Variants in UTRN observed in about 807,000 individuals in gnomAD.
The protein encoded by UTRN is utrophin.
A neutral mutation model predicts 463.9 loss-of-function variants in UTRN; 283 were observed. The ratio of observed to expected loss-of-function variants is 0.61; its 90% confidence interval spans 0.55 to 0.67. The LOEUF (loss-of-function observed/expected upper bound fraction) is 0.67, where lower values mean the gene tolerates loss of function less well. Among genes scored for constraint, UTRN ranks in the 30% least tolerant of loss-of-function variants. UTRN has a pLI of 0.00. For missense variants in UTRN, 3,922 were observed against 4,084.3 expected (o/e 0.96, Z 1.08); for synonymous variants, 1,442 against 1,431.5 (o/e 1.01, Z -0.17).
At chr6:144,424,989 C>A (rs1481110181) in intron 6 of UTRN, among the ~76,000 whole-genome samples, 1 of 152,028 alleles carries the variant, frequency 6.6e-6, no homozygotes, top group African/African-American at 2.4e-5. Flanking sequence ...TGAAATAATA[C>A]AATTATGTAA....
intron 2 of UTRN, among the ~76,000 whole-genome samples, chr6:144,296,773 C>A: frequency 6.6e-6 from 1 of 152,180 alleles, no homozygotes; most frequent in East Asian, 1.9e-4. Flanking sequence ...TCTTCTATCT[C>A]TTTTTTTGTA....
intron 7 of UTRN, 88 bp downstream of exon 7, chr6:144,426,547 C>A (rs1785311576): frequency 1.5e-6 from 2 of 1,330,136 alleles, no homozygotes; most frequent in South Asian, 1.6e-5. Flanking sequence ...CCTGAAGCCC[C>A]TTCTCCAGTG....
intron 23 of UTRN, among the ~76,000 whole-genome samples, chr6:144,468,797 T>C (rs1171024401): frequency 1.3e-5 from 2 of 152,220 alleles, no homozygotes; most frequent in Admixed American, 1.3e-4. Flanking sequence ...GACTTAAAGA[T>C]GAGCAGACTT....
intron 51 of UTRN, among the ~76,000 whole-genome samples, chr6:144,600,137 A>T (rs1804089858): frequency 6.6e-6 from 1 of 152,120 alleles, no homozygotes; most frequent in African/African-American, 2.4e-5. Context: ...TTCCCATCTC[A>T]CACTTTCCTT....
chr6:144,762,531 G>A (rs1042965078), intron 58 of UTRN, among the ~76,000 whole-genome samples: 1 of 152,178 alleles, frequency 6.6e-6, no homozygotes, highest in Admixed American at 6.5e-5. Flanking sequence ...CTTTTCCATA[G>A]GCTAATTTCT....
At chr6:144,344,665 C>T (rs1777419633) in intron 2 of UTRN, among the ~76,000 whole-genome samples, 1 of 152,192 alleles carries the variant, frequency 6.6e-6, no homozygotes, top group African/African-American at 2.4e-5. Context: ...GAAGAAGCCT[C>T]CTTTGTGGTG....
At chr6:144,643,349 T>C (rs550981929) in intron 51 of UTRN, among the ~76,000 whole-genome samples, 2 of 152,346 alleles carry the variant, frequency 1.3e-5, no homozygotes, top group East Asian at 1.9e-4. Flanking sequence ...AGACTGTAAG[T>C]ATCCAAAGTA....
chr6:144,730,723 T>C (rs575532381), intron 54 of UTRN, among the ~76,000 whole-genome samples: 1 of 151,878 alleles, frequency 6.6e-6, no homozygotes, highest in Non-Finnish European at 1.5e-5. Flanking sequence ...GCAGAAAAAA[T>C]AGATTGTCTA....
chr6:144,591,262 G>A (rs1010789537), intron 51 of UTRN, among the ~76,000 whole-genome samples: 63 of 152,240 alleles, frequency 4.1e-4, no homozygotes, highest in Non-Finnish European at 6.2e-4. Context: ...ACCCCACTGC[G>A]AAGATGCCAT....
At chr6:144,674,956 A>G (rs1350800150) in intron 51 of UTRN, among the ~76,000 whole-genome samples, 1 of 152,172 alleles carries the variant, frequency 6.6e-6, no homozygotes, top group East Asian at 1.9e-4. Context: ...GGCAATTCAG[A>G]TATTTCTTGT....
chr6:144,422,027 AC>A, intron 4 of UTRN, 57 bp downstream of exon 4: 1 of 1,451,292 alleles, frequency 6.9e-7, no homozygotes, highest in Non-Finnish European at 9.5e-7. Flanking sequence ...ATACTTGATG[AC>A]CCAGTGTGGG....
At chr6:144,426,567 T>C in intron 7 of UTRN, 108 bp downstream of exon 7, 1 of 1,132,876 alleles carries the variant, frequency 8.8e-7, no homozygotes, top group Non-Finnish European at 1.2e-6. Flanking sequence ...GCCACTGCTC[T>C]CCTTTCTGCA....
intron 48 of UTRN, among the ~76,000 whole-genome samples, chr6:144,553,542 G>A (rs1799112334): frequency 6.6e-6 from 1 of 152,218 alleles, no homozygotes; most frequent in African/African-American, 2.4e-5. Flanking sequence ...TTATCAGCAG[G>A]TTCTTGCGGA....
chr6:144,550,170 C>T (rs1798774584), intron 47 of UTRN, among the ~76,000 whole-genome samples: 1 of 152,018 alleles, frequency 6.6e-6, no homozygotes, highest in Non-Finnish European at 1.5e-5. Context: ...GTCCTTATGC[C>T]ATTTAGAAGG....
At chr6:144,567,810 A>G (rs765361030) in intron 50 of UTRN, among the ~76,000 whole-genome samples, 69 of 152,308 alleles carry the variant, frequency 4.5e-4, no homozygotes, top group Middle Eastern at 6.8e-3. Context: ...ACACACATTG[A>G]TGGGTTTCCT....
chr6:144,525,563 CCTCT>C (rs1244074435), intron 41 of UTRN, among the ~76,000 whole-genome samples: 1 of 151,948 alleles, frequency 6.6e-6, no homozygotes, highest in Non-Finnish European at 1.5e-5. Flanking sequence ...TGATTTGGAT[CCTCT>C]CTCTTTTCTT....
Position 144,851,030 on chromosome 6 carries a change from G to T in UTRN, c.*33G>T, listed in dbSNP as rs373076190. The T allele has an allele frequency of 1.2e-6, 2 of 1,613,424 alleles. No individual in the cohort carries two copies. The highest frequency in any genetic ancestry group is 1.7e-6 in the Non-Finnish European group (2 of 1,179,506). ...ATCCGGCCAACCAATGTTTCCTGACGTACAGTGTTGCCCTTTTCAGCAAAT... is the reference window on the plus strand; with the variant it reads ...ATCCGGCCAACCAATGTTTCCTGACTTACAGTGTTGCCCTTTTCAGCAAAT... On this transcript the variant is annotated 3_prime_UTR_variant, in exon 75 of 75. Coordinates refer to ENST00000367545, the MANE Select transcript of UTRN (RefSeq NM_007124.3).
chr6:144,326,763 A>C (rs1184590248), intron 2 of UTRN, among the ~76,000 whole-genome samples: 1 of 152,114 alleles, frequency 6.6e-6, no homozygotes, highest in Non-Finnish European at 1.5e-5. Context: ...TTGTGGTAAC[A>C]CGGACCCTCA....
At chr6:144,322,345 G>T (rs1480819160) in intron 2 of UTRN, among the ~76,000 whole-genome samples, 1 of 152,142 alleles carries the variant, frequency 6.6e-6, no homozygotes, top group Non-Finnish European at 1.5e-5. Context: ...GCACTGGTGA[G>T]CACCTGGTGA....
Sources: gnomAD v4.1 joint callset for allele counts (sites outside exome capture counted in the v4.1 genomes callset) on GRCh38, gnomAD v4.1.1 for gene constraint, MANE v1.5 for transcripts, NCBI Gene and HGNC (gene_info 2026-07-23, HGNC 2026-07-21) for gene names.